The following EPM2A variants were observed in gnomAD, a reference collection of about 807,000 sequenced individuals.
EPM2A encodes the protein EPM2A glucan phosphatase, laforin.
EPM2A carries 21 observed loss-of-function variants against 26.5 expected under a neutral mutation model. That is an observed-to-expected ratio of 0.79 (90% CI 0.56 to 1.14). The LOEUF is 1.14. Ranked by LOEUF, EPM2A falls within the 50% of genes most tolerant of loss-of-function variation. The probability of loss-of-function intolerance (pLI) is 0.00; values close to 1 mark genes in which losing one functional copy is unlikely to be tolerated. For synonymous variants in EPM2A, 217 were observed against 177.6 expected (o/e 1.22, Z -1.76); for missense variants, 458 against 440.8 (o/e 1.04, Z -0.35).
chr6:145,421,041 A>T (rs1302373105), intron 4 of EPM2A, among the ~76,000 whole-genome samples: 1 of 152,134 alleles, frequency 6.6e-6, no homozygotes, highest in Non-Finnish European at 1.5e-5. Flanking sequence ...CAACACATGA[A>T]CTTTTGGGGA....
At chr6:145,402,176 C>T (rs771654897) in intron 4 of EPM2A, among the ~76,000 whole-genome samples, 57 of 152,058 alleles carry the variant, frequency 3.7e-4, no homozygotes, top group Non-Finnish European at 6.8e-4. Flanking sequence ...TAATCTTATC[C>T]AAGTCATCAA....
intron 1 of EPM2A, among the ~76,000 whole-genome samples, chr6:145,717,591 CAA>C (rs927547972): frequency 6.6e-6 from 1 of 152,106 alleles, no homozygotes; most frequent in African/African-American, 2.4e-5. Context: ...CGCTCCTATT[CAA>C]CATAGTGTTG....
chr6:145,596,877 CTTTTTTTTTTTT>C lies in EPM2A; in HGVS notation c.340+38356_340+38367del, dbSNP rs869211299. 5.0e-3 allele frequency among the ~76,000 whole-genome samples: 369 copies of C among 73,548 alleles called. 5 individuals carry two copies. The highest frequency in any genetic ancestry group is 0.021 in the African/African-American group (351 of 16,938). 48.3% of individuals were successfully genotyped at this position (73,548 alleles called of 152,430 possible). On this transcript the variant is annotated intron_variant, in intron 2 of 3. Coordinates refer to the EPM2A transcript ENST00000450221. The stretch of plus-strand genomic sequence containing the variant: ...ACGTTGTATATGCTCTCTCCGAGAT[CTTTTTTTTTTTT>C]TTTTTTTTTTTTTTTTGAGACGGAG...
At chr6:145,433,570 A>G (rs981742663) in intron 4 of EPM2A, among the ~76,000 whole-genome samples, 4 of 152,142 alleles carry the variant, frequency 2.6e-5, no homozygotes, top group African/African-American at 9.7e-5. Context: ...AGCTATATTT[A>G]AATGGACCTT....
chr6:145,502,563 G>C (rs1238531932), exon 3 of EPM2A: 2 of 470,734 alleles, frequency 4.2e-6, no homozygotes, highest in African/African-American at 4.0e-5. Context: ...CATGTCAGCT[G>C]TCCTCTTCTC....
intron 4 of EPM2A, among the ~76,000 whole-genome samples, chr6:145,474,242 A>T (rs1779513760): frequency 6.6e-6 from 1 of 152,130 alleles, no homozygotes; most frequent in Non-Finnish European, 1.5e-5. Flanking sequence ...TGGGTGGATC[A>T]CCTGAGGTCA....
intron 1 of EPM2A, among the ~76,000 whole-genome samples, chr6:145,715,254 C>T (rs1381184604): frequency 1.3e-5 from 2 of 152,142 alleles, no homozygotes; most frequent in Non-Finnish European, 2.9e-5. Context: ...CAGGCACCCA[C>T]CAGACAGGAC....
At chr6:145,707,580 C>A (rs974376676) in intron 1 of EPM2A, among the ~76,000 whole-genome samples, 5 of 152,164 alleles carry the variant, frequency 3.3e-5, no homozygotes, top group African/African-American at 9.6e-5. Context: ...CTCATGAGAT[C>A]TGATGGTTTT....
intron 2 of EPM2A, among the ~76,000 whole-genome samples, chr6:145,519,847 AT>A (rs1780180100): frequency 6.6e-6 from 1 of 152,234 alleles, no homozygotes; most frequent in Middle Eastern, 3.2e-3. Flanking sequence ...CATTAGCCGC[AT>A]TCTGAAGATG....
intron 2 of EPM2A, among the ~76,000 whole-genome samples, chr6:145,661,163 C>T (rs1346278457): frequency 1.3e-5 from 2 of 152,078 alleles, no homozygotes; most frequent in Non-Finnish European, 2.9e-5. Flanking sequence ...ACAGAAGGGG[C>T]AAAACCTGAT....
intron 4 of EPM2A, chr6:145,463,247 G>A (rs549342289): frequency 6.6e-6 from 1 of 150,872 alleles, no homozygotes; most frequent in South Asian, 2.1e-4. Context: ...TTGAGGGAGA[G>A]TGCAAACGAA....
At chr6:145,682,126 G>A (rs1249583320) in intron 2 of EPM2A, among the ~76,000 whole-genome samples, 6 of 152,066 alleles carry the variant, frequency 3.9e-5, no homozygotes, top group East Asian at 1.9e-4. Context: ...CACGTGGCTC[G>A]GGAGGCCTCA....
At chr6:145,580,220 A>G (rs1007108408) in intron 2 of EPM2A, among the ~76,000 whole-genome samples, 2 of 152,136 alleles carry the variant, frequency 1.3e-5, no homozygotes, top group Non-Finnish European at 2.9e-5. Context: ...TTCATGTACT[A>G]TAAGGCTGCC....
chr6:145,655,299 ATGACCTAGAGAAG>A (rs1488186442), intron 2 of EPM2A, among the ~76,000 whole-genome samples: 3 of 152,172 alleles, frequency 2.0e-5, no homozygotes, highest in Admixed American at 6.5e-5. Flanking sequence ...TTCTGTCCAA[ATGACCTAGAGAAG>A]TGCAGGGTAG....
chr6:145,430,987 C>T (rs547227187), intron 4 of EPM2A, among the ~76,000 whole-genome samples: 4 of 152,136 alleles, frequency 2.6e-5, no homozygotes, highest in Non-Finnish European at 5.9e-5. Flanking sequence ...ATCTTCTTAA[C>T]TTCAAACATC....
intron 4 of EPM2A, among the ~76,000 whole-genome samples, chr6:145,470,706 T>C (rs954985225): frequency 4.6e-5 from 7 of 152,168 alleles, no homozygotes; most frequent in African/African-American, 1.7e-4. Flanking sequence ...TTATAATGCT[T>C]ACTATAGATT....
In EPM2A at chr6:145,627,377, C is replaced by G; in HGVS notation, c.*39G>C. 6.2e-7 allele frequency: 1 copy of G among 1,612,792 alleles called. No homozygotes were observed. On this transcript the variant is annotated 3_prime_UTR_variant, in exon 4 of 4. Transcript: ENST00000367519. ...ATTTGACCAACATCATCCCAGGCTC[C>G]TTAGGGAAATCAGGAGGGGGCAGAA...
chr6:145,470,866 C>T (rs886613465), intron 4 of EPM2A, among the ~76,000 whole-genome samples: 1 of 152,132 alleles, frequency 6.6e-6, no homozygotes, highest in African/African-American at 2.4e-5. Context: ...TAATAAACCA[C>T]CCCAAACTCA....
intron 2 of EPM2A, among the ~76,000 whole-genome samples, chr6:145,643,695 T>C (rs778885291): frequency 6.6e-6 from 1 of 152,200 alleles, no homozygotes; most frequent in Non-Finnish European, 1.5e-5. Context: ...AACAAGACAG[T>C]TGGAAAATGA....
Sources: allele counts gnomAD v4.1 joint callset (sites outside exome capture counted in the v4.1 genomes callset), GRCh38; gene constraint gnomAD v4.1.1; transcripts MANE v1.5; gene names NCBI Gene and HGNC (gene_info 2026-07-23, HGNC 2026-07-21).